GLB1L2: variants seen among roughly 807,000 people sequenced by gnomAD.
GLB1L2 encodes the protein galactosidase beta 1 like 2, also known as beta-galactosidase-1-like protein 2.
Under a neutral mutation model 84.1 loss-of-function variants are expected in GLB1L2, and 68 were observed. That is an observed-to-expected ratio of 0.81 (90% CI 0.67 to 0.99). The LOEUF is 0.99. GLB1L2 is among the 50% of genes least tolerant of loss of function. The probability of loss-of-function intolerance (pLI) is 0.00; values close to 1 mark genes in which losing one functional copy is unlikely to be tolerated. For missense variants in GLB1L2, 762 were observed against 805.6 expected, an observed-to-expected ratio of 0.95 and a Z score of 0.66; for synonymous variants, 290 against 318.0, an observed-to-expected ratio of 0.91 and a Z score of 0.94.
intron 15 of GLB1L2, chr11:134,372,667 A>T (rs1943972764): frequency 6.6e-6 from 1 of 152,216 alleles, no homozygotes; most frequent in South Asian, 2.1e-4. Context: ...GTGACCTCCC[A>T]GCTCTCTCAC....
chr11:134,374,341 G>A, intron 17 of GLB1L2, 85 bp downstream of exon 17: 3 of 1,151,168 alleles, frequency 2.6e-6, no homozygotes, highest in Non-Finnish European at 3.9e-6. Context: ...AGCTTGGCGA[G>A]AGTCGTTGGT....
chr11:134,345,208 G>A (rs1943537805), intron 4 of GLB1L2, 79 bp downstream of exon 4: 2 of 1,254,112 alleles, frequency 1.6e-6, no homozygotes, highest in Admixed American at 5.3e-5. Flanking sequence ...CTGTGTTCCA[G>A]TTCCCATTCT....
intron 2 of GLB1L2, among the ~76,000 whole-genome samples, chr11:134,343,471 G>C (rs775806046): frequency 3.5e-4 from 53 of 152,164 alleles, no homozygotes; most frequent in Non-Finnish European, 6.8e-4. Context: ...TGAATAACCT[G>C]GATCTTTTCA....
chr11:134,341,304 G>C (rs1456071731), intron 1 of GLB1L2, among the ~76,000 whole-genome samples: 1 of 152,170 alleles, frequency 6.6e-6, no homozygotes, highest in Admixed American at 6.5e-5. Context: ...CAGCCTTTCT[G>C]AGCAGTTGGG....
chr11:134,352,236 G>A (rs549752169), intron 5 of GLB1L2, among the ~76,000 whole-genome samples: 177 of 152,126 alleles, frequency 1.2e-3, no homozygotes, highest in African/African-American at 3.6e-3. Context: ...ATTTGTTGGC[G>A]TACAATTTGT....
chr11:134,368,729 C>T lies in GLB1L2; in HGVS notation c.975C>T (p.Phe325=), dbSNP rs1395902543. 2 of 1,613,978 alleles carry T rather than the reference C, an allele frequency of 1.2e-6. No individual in the cohort carries two copies. Among genetic ancestry groups the T allele is most frequent in the East Asian group, 2.2e-5 (1 of 44,902 alleles). ...YMFHGGTNFG[F]MNGAMHFHDY... ...TCCACGGAGGCACCAACTTTGGCTT[C>T]ATGAATGGAGCCATGCACTTCCATG... Residue 325 remains phenylalanine (F), a synonymous_variant, in exon 10 of 19, where the codon TTC becomes TTT. Coordinates refer to ENST00000535456, the MANE Select transcript of GLB1L2 (RefSeq NM_001370461.1).
At chr11:134,369,177 G>A (rs1440121780) in intron 10 of GLB1L2, among the ~76,000 whole-genome samples, 1 of 152,208 alleles carries the variant, frequency 6.6e-6, no homozygotes, top group Non-Finnish European at 1.5e-5. Context: ...GGGCCATGCT[G>A]TGATCATGGA....
At chr11:134,369,767 G>A (rs752846056) in intron 10 of GLB1L2, 38 bp from the exon 11 acceptor site, 1 of 1,583,136 alleles carries the variant, frequency 6.3e-7, no homozygotes, top group South Asian at 1.1e-5. Flanking sequence ...GCTGTGCTGG[G>A]GACAGGAATG....
chr11:134,336,287 T>G (rs1943386653), intron 1 of GLB1L2, among the ~76,000 whole-genome samples: 1 of 152,210 alleles, frequency 6.6e-6, no homozygotes, highest in Non-Finnish European at 1.5e-5. Flanking sequence ...ATTCAGAGTG[T>G]GAAGGGGAAT....
At chr11:134,367,184 C>A (rs780266978) in intron 8 of GLB1L2, 73 bp from the exon 9 acceptor site, 2 of 1,220,732 alleles carry the variant, frequency 1.6e-6, no homozygotes, top group Admixed American at 1.8e-5. Flanking sequence ...TCCTGGGGCT[C>A]CCCTCCATGA....
At chr11:134,369,623 G>A (rs1943919220) in intron 10 of GLB1L2, among the ~76,000 whole-genome samples, 182 bp from the exon 11 acceptor site, 1 of 147,042 alleles carries the variant, frequency 6.8e-6, no homozygotes, top group African/African-American at 2.5e-5. Context: ...CCTTATGGAC[G>A]CTTGTTGTAG....
Position 134,375,378 on chromosome 11 carries a change from G to A in GLB1L2, c.*320G>A, listed in dbSNP as rs371905783. 68 of 326,380 alleles carry A rather than the reference G, an allele frequency of 2.1e-4. No individual in the cohort carries two copies. The highest frequency in any genetic ancestry group is 8.5e-4 in the Middle Eastern group (1 of 1,182). 20.2% of individuals were successfully genotyped at this position (326,380 alleles called of 1,614,324 possible). ...TGGCCCTCAGAAAAAGTGCTGAAAC[G>A]TGCCCTTGCACTGGACGTCACAGCC... On this transcript the variant is annotated 3_prime_UTR_variant, in exon 19 of 19. Transcript: ENST00000535456.
chr11:134,356,459 G>C, intron 6 of GLB1L2, 66 bp downstream of exon 6: 3 of 1,087,610 alleles, frequency 2.8e-6, no homozygotes, highest in Non-Finnish European at 4.2e-6. Flanking sequence ...GCTGTGGTGT[G>C]ACATGTGGGT....
Position 134,375,561 on chromosome 11 carries a change from T to G in GLB1L2, c.*503T>G, listed in dbSNP as rs1944014775. ...CACCTGAGCTGACTTTGTTCTTCCT[T>G]CACAACCTTCTGAGCCTTCTTTGGG... On this transcript the variant is annotated 3_prime_UTR_variant, in exon 19 of 19. Coordinates refer to ENST00000535456, the MANE Select transcript of GLB1L2 (RefSeq NM_001370461.1). 1 of 152,942 alleles carries G rather than the reference T, an allele frequency of 6.5e-6. No individual in the cohort carries two copies. Among genetic ancestry groups the G allele is most frequent in the Non-Finnish European group, 1.5e-5 (1 of 68,554 alleles). 9.5% of individuals were successfully genotyped at this position (152,942 alleles called of 1,614,324 possible). A position where few individuals can be genotyped will look rare whatever the true frequency, so the allele number is the denominator to read the frequency against.
intron 5 of GLB1L2, among the ~76,000 whole-genome samples, chr11:134,348,002 G>A (rs1011819453): frequency 2.0e-5 from 3 of 152,320 alleles, no homozygotes; most frequent in African/African-American, 7.2e-5. Flanking sequence ...TTTGGGGGAG[G>A]AAGTACCTTA....
chr11:134,374,061 G>C, intron 16 of GLB1L2, 84 bp from the exon 17 acceptor site: 2 of 1,004,304 alleles, frequency 2.0e-6, no homozygotes, highest in Non-Finnish European at 3.2e-6. Context: ...TGGGGAAACG[G>C]TGTCAGGGCC....
chr11:134,355,150 A>G (rs978999094), intron 5 of GLB1L2, among the ~76,000 whole-genome samples: 2 of 152,288 alleles, frequency 1.3e-5, no homozygotes, highest in East Asian at 1.9e-4. Context: ...CAATTTATAT[A>G]TGGTATATTT....
Position 134,375,166 on chromosome 11 carries a change from T to A in GLB1L2, c.*108T>A. ...CTCACTGCAAAAGCATCTCCTTAAG[T>A]AGCAACCTCAGGGACTGGGGGCTAC... On this transcript the variant is annotated 3_prime_UTR_variant, in exon 19 of 19. Coordinates refer to ENST00000535456, the MANE Select transcript of GLB1L2 (RefSeq NM_001370461.1). 1.2e-6 allele frequency: 1 copy of A among 802,100 alleles called. No individual in the cohort carries two copies. Among genetic ancestry groups the A allele is most frequent in the Admixed American group, 2.4e-5 (1 of 41,426 alleles). The allele number at this position is 802,100 out of a possible 1,614,324, so 49.7% of individuals were successfully genotyped here. A position where few individuals can be genotyped will look rare whatever the true frequency, so the allele number is the denominator to read the frequency against.
At chr11:134,336,229 C>T (rs1282256837) in intron 1 of GLB1L2, among the ~76,000 whole-genome samples, 1 of 152,050 alleles carries the variant, frequency 6.6e-6, no homozygotes, top group Non-Finnish European at 1.5e-5. Context: ...GTATTTTTTT[C>T]CCTTAAGAAG....
Sources: gnomAD v4.1 joint callset for allele counts (sites outside exome capture counted in the v4.1 genomes callset) on GRCh38, gnomAD v4.1.1 for gene constraint, MANE v1.5 for transcripts, NCBI Gene and HGNC (gene_info 2026-07-23, HGNC 2026-07-21) for gene names.